The following STK3 variants were observed in gnomAD, a reference collection of about 807,000 sequenced individuals.
STK3 encodes the protein serine/threonine-protein kinase 3.
In STK3, 41 loss-of-function variants were observed where a neutral mutation model predicts 58.0. The observed-to-expected ratio is 0.71, with a 90% CI of 0.55 to 0.92. The LOEUF (loss-of-function observed/expected upper bound fraction) is 0.92, where lower values mean the gene tolerates loss of function less well. Among genes scored for constraint, STK3 ranks in the 40% least tolerant of loss-of-function variants. The pLI, the probability that STK3 is intolerant of heterozygous loss-of-function variation, is 0.00. For synonymous variants in STK3, 170 were observed against 191.0 expected (o/e 0.89, Z 0.91); for missense variants, 479 against 602.7 (o/e 0.79, Z 2.15).
intron 6 of STK3, among the ~76,000 whole-genome samples, chr8:98,634,066 T>C (rs932164740): frequency 1.3e-5 from 2 of 152,082 alleles, no homozygotes; most frequent in South Asian, 4.1e-4. Context: ...GAAGGGGATA[T>C]TACTTGAGAG....
chr8:98,382,205 C>T (rs555867178), intron 1 of STK3, among the ~76,000 whole-genome samples: 26 of 152,276 alleles, frequency 1.7e-4, no homozygotes, highest in Admixed American at 3.9e-4. Flanking sequence ...TGGCCTTCTG[C>T]GTCTCTTGTT....
downstream of STK3, among the ~76,000 whole-genome samples, chr8:98,397,842 C>A (rs1371239062): frequency 6.6e-6 from 1 of 152,160 alleles, no homozygotes; most frequent in Non-Finnish European, 1.5e-5. Flanking sequence ...TTCTCTGTCT[C>A]TCCTGCTCCA....
chr8:98,707,258 T>C lies in STK3; in HGVS notation c.405A>G (p.Glu135=). Reference sequence around the variant, plus strand: ...GTATTTTTCTCATAAAGTGCAAATATTCTAGTCCTTTCAATGTAGATTTAA... The same window carrying C: ...GTATTTTTCTCATAAAGTGCAAATACTCTAGTCCTTTCAATGTAGATTTAA... ...TILKSTLKGL[E]YLHFMRKIHR... The change falls in exon 5 of 11, where the codon GAA becomes GAG. Residue 135 remains glutamate, a synonymous_variant. Transcript: ENST00000419617. The C allele has an allele frequency of 6.3e-7, 1 of 1,590,668 alleles. No individual in the cohort carries two copies. Among genetic ancestry groups the C allele is most frequent in the South Asian group, 1.2e-5 (1 of 86,776 alleles).
At chr8:98,550,761 T>A (rs926002339) in intron 8 of STK3, among the ~76,000 whole-genome samples, 25 of 152,158 alleles carry the variant, frequency 1.6e-4, no homozygotes, top group African/African-American at 5.8e-4. Context: ...AAATCACTTA[T>A]GAGGCATAGG....
chr8:98,474,872 C>T (rs757005510), intron 10 of STK3, among the ~76,000 whole-genome samples: 1 of 152,212 alleles, frequency 6.6e-6, no homozygotes, highest in East Asian at 1.9e-4. Context: ...ATATGAGATA[C>T]GTGAATATAG....
At chr8:98,598,018 A>G (rs1815981377) in intron 6 of STK3, 1 of 985,402 alleles carries the variant, frequency 1.0e-6, no homozygotes, top group East Asian at 1.1e-4. Context: ...GCTACTTCCA[A>G]CTAGAGAATA....
At chr8:98,598,956 T>C in intron 6 of STK3, 1 of 943,668 alleles carries the variant, frequency 1.1e-6, no homozygotes, top group Non-Finnish European at 1.3e-6. Flanking sequence ...TGCCTTAGAC[T>C]GCAAGAGTAC....
intron 7 of STK3, among the ~76,000 whole-genome samples, chr8:98,586,303 TG>T (rs1434385932): frequency 2.0e-5 from 3 of 152,306 alleles, no homozygotes; most frequent in African/African-American, 7.2e-5. Context: ...GTTTTTAGCA[TG>T]AAGGGTGGTT....
chr8:98,828,437 CAAAAAAAAAAAAAA>C (rs367737626), upstream of STK3, among the ~76,000 whole-genome samples: 2 of 48,578 alleles, frequency 4.1e-5, no homozygotes, highest in Non-Finnish European at 7.0e-5. Context: ...CCCATCTCTA[CAAAAAAAAAAAAAA>C]AAAAAAAAAA....
At position 98,384,409 on chromosome 8, in the gene STK3, C is replaced by T. The variant is rs576435932; in HGVS notation, n.56+3783G>A. ...TTTGTTGCTTTGTCTTTCATTGCTTCGTTCTTTCGTTGATTTGTTTCTGCG... is the reference window on the plus strand; with the variant it reads ...TTTGTTGCTTTGTCTTTCATTGCTTTGTTCTTTCGTTGATTTGTTTCTGCG... On this transcript the variant is annotated intron_variant and non_coding_transcript_variant, in intron 1 of 2. Coordinates refer to the STK3 transcript ENST00000518704. Among the ~76,000 whole-genome samples, 8 of 152,310 alleles carry T rather than the reference C, an allele frequency of 5.3e-5. No individual in the cohort carries two copies. In the East Asian group the frequency reaches 5.8e-4, roughly 11 times the overall value.
chr8:98,609,048 T>C (rs1816978302), intron 6 of STK3, among the ~76,000 whole-genome samples: 1 of 152,240 alleles, frequency 6.6e-6, no homozygotes, highest in African/African-American at 2.4e-5. Flanking sequence ...CTCTGTGATC[T>C]TGTCTGGGTA....
chr8:98,621,865 G>A (rs1257748089), intron 6 of STK3, among the ~76,000 whole-genome samples: 2 of 151,826 alleles, frequency 1.3e-5, no homozygotes, highest in Non-Finnish European at 2.9e-5. Context: ...CGTATGGCCA[G>A]ATGATACAGA....
At chr8:98,467,548 A>ATGTGTG (rs61136775) in intron 10 of STK3, among the ~76,000 whole-genome samples, 2,673 of 148,156 alleles carry the variant, frequency 0.018, 39 homozygotes, top group African/African-American at 0.025. Flanking sequence ...TATTTAAAAA[A>ATGTGTG]TGTGTGTGTG....
At chr8:98,941,677 G>A (rs1233616421) in intron 1 of STK3, among the ~76,000 whole-genome samples, 4 of 152,208 alleles carry the variant, frequency 2.6e-5, no homozygotes, top group African/African-American at 9.6e-5. Context: ...CCGGGGGGCA[G>A]GGGCCTGCGC....
intron 1 of STK3, among the ~76,000 whole-genome samples, chr8:98,806,179 T>G (rs1468436585): frequency 6.6e-6 from 1 of 152,130 alleles, no homozygotes; most frequent in Non-Finnish European, 1.5e-5. Flanking sequence ...CCTCACACAC[T>G]ACTGTTTAAA....
intron 6 of STK3, among the ~76,000 whole-genome samples, chr8:98,692,889 T>C (rs1587313950): frequency 2.0e-5 from 3 of 152,124 alleles, no homozygotes; most frequent in East Asian, 1.9e-4. Flanking sequence ...AGTTGAAAAA[T>C]GGCCATCCTC....
the STK3 span, among the ~76,000 whole-genome samples, chr8:98,365,703 T>G: frequency 6.6e-6 from 1 of 152,222 alleles, no homozygotes; most frequent in Non-Finnish European, 1.5e-5. Flanking sequence ...CTTTATATTT[T>G]CACCACACAT....
chr8:98,744,610 A>G (rs1371724951), intron 4 of STK3, among the ~76,000 whole-genome samples: 1 of 149,042 alleles, frequency 6.7e-6, no homozygotes, highest in East Asian at 2.0e-4. Context: ...GAGGGATAGC[A>G]TTAGGAGATA....
chr8:98,519,380 T>TA (rs1454541166), intron 10 of STK3, among the ~76,000 whole-genome samples: 1 of 152,136 alleles, frequency 6.6e-6, no homozygotes, highest in Admixed American at 6.6e-5. Context: ...GAGGGCTTAC[T>TA]AAAGGGGTGG....
Sources: gnomAD v4.1 joint callset for allele counts (sites outside exome capture counted in the v4.1 genomes callset) on GRCh38, gnomAD v4.1.1 for gene constraint, MANE v1.5 for transcripts, NCBI Gene and HGNC (gene_info 2026-07-23, HGNC 2026-07-21) for gene names.